Variants in MMP28 observed in about 807,000 individuals in gnomAD.
MMP28 encodes matrix metallopeptidase 28, also known as matrix metalloproteinase-28.
In MMP28, 55 loss-of-function variants were observed where a neutral mutation model predicts 60.5. That is an observed-to-expected ratio of 0.91 (90% CI 0.73 to 1.14). The LOEUF is 1.14. MMP28 is among the 50% of genes most tolerant of loss of function. The pLI is 0.00. For synonymous variants in MMP28, 318 were observed against 312.5 expected (o/e 1.02, Z -0.18); for missense variants, 686 against 738.3 (o/e 0.93, Z 0.82).
chr17:35,770,510 A>G (rs1016731224), intron 4 of MMP28, among the ~76,000 whole-genome samples, 198 bp from the exon 5 acceptor site: 1 of 152,244 alleles, frequency 6.6e-6, no homozygotes, highest in Non-Finnish European at 1.5e-5. Context: ...GCAGTGGACG[A>G]TGAGTAGGCT....
At chr17:35,762,834 T>TG (rs587665495), downstream of MMP28, among the ~76,000 whole-genome samples, 448 of 152,114 alleles carry the variant, frequency 2.9e-3, 2 homozygotes, top group Admixed American at 7.7e-3. Context: ...CCTATTAAAA[T>TG]GGGATCAGTG....
chr17:35,760,186 C>T (rs2085791942), intron 2 of MMP28, among the ~76,000 whole-genome samples: 1 of 152,204 alleles, frequency 6.6e-6, no homozygotes, highest in Non-Finnish European at 1.5e-5. Flanking sequence ...TTCATCTCAA[C>T]AGATGGAGGG....
Position 35,786,699 on chromosome 17 carries a change from C to CAAAAAAAAAAAAAAA in MMP28, c.112-7391_112-7377dup, listed in dbSNP as rs200165337. On this transcript the variant is annotated intron_variant, in intron 1 of 7. Coordinates refer to ENST00000605424, the MANE Select transcript of MMP28 (RefSeq NM_024302.5). ...GCCTCATAGTGAGATCCTGTCTCTA[C>CAAAAAAAAAAAAAAA]AAAAAAAAAAAAAAAAGATGAATGA... Among the ~76,000 whole-genome samples the CAAAAAAAAAAAAAAA allele has an allele frequency of 1.8e-3, 130 of 70,916 alleles. 8 individuals are homozygous for CAAAAAAAAAAAAAAA. The highest frequency in any genetic ancestry group is 6.9e-3 in the East Asian group (22 of 3,184). The allele number at this position is 70,916 out of a possible 152,430, so 46.5% of individuals were successfully genotyped here.
At chr17:35,789,765 A>AT (rs748679699) in intron 1 of MMP28, among the ~76,000 whole-genome samples, 4,771 of 141,328 alleles carry the variant, frequency 0.034, 248 homozygotes, top group African/African-American at 0.11. Context: ...GCAACATTTA[A>AT]TTTTTTTTTT....
chr17:35,778,941 A>G lies in MMP28; in HGVS notation c.326T>C (p.Leu109Ser), dbSNP rs908525502. The change falls in exon 3 of 8, where the codon TTG (leucine) becomes TCG (serine). Residue 109 changes from leucine (L) to serine (S), a missense_variant. Transcript: ENST00000605424. ...YAAWAERISD[L>S]FARHRTKMRR... ...CATTTTGGTCCGGTGTCTAGCAAAC[A>G]AGTCACTGATCCTCTCAGCCCAGGC... 4 of 1,613,934 alleles carry G rather than the reference A, an allele frequency of 2.5e-6. No individual in the cohort carries two copies. Among genetic ancestry groups the G allele is most frequent in the Non-Finnish European group, 2.5e-6 (3 of 1,179,900 alleles).
At chr17:35,773,615 C>T (rs570663353) in intron 3 of MMP28, among the ~76,000 whole-genome samples, 193 of 152,326 alleles carry the variant, frequency 1.3e-3, no homozygotes, top group African/African-American at 4.2e-3. Context: ...ACTCCCCTTA[C>T]CCTGGACAGT....
rs764144708 is a variant in MMP28 at position 35,795,280 on chromosome 17, C to A, written c.98G>T (p.Arg33Leu). 10 of 1,447,802 alleles carry A rather than the reference C, an allele frequency of 6.9e-6. No homozygotes were observed. The highest frequency in any genetic ancestry group is 4.2e-5 in the South Asian group (3 of 71,138). The allele number at this position is 1,447,802 out of a possible 1,614,324, so 89.7% of individuals were successfully genotyped here. ...CACACGGCGTACCTCCGCCTCCTTG[C>A]GCAGCTCCTGGCCTCCGCGCTCCGC... ...QPAERGGQELRKEAEAFLEKY... is the reference protein window; with the variant it reads ...QPAERGGQELLKEAEAFLEKY... The change falls in exon 1 of 8, where the codon CGC becomes CTC. Residue 33 changes from arginine to leucine, a missense_variant. Coordinates refer to ENST00000605424, the MANE Select transcript of MMP28 (RefSeq NM_024302.5).
downstream of MMP28, among the ~76,000 whole-genome samples, chr17:35,761,241 C>T (rs587669490): frequency 2.9e-4 from 44 of 150,670 alleles, no homozygotes; most frequent in African/African-American, 1.1e-3. Flanking sequence ...GTAGCTGGGA[C>T]CACAGGAGCA....
chr17:35,766,408 C>A lies in MMP28; in HGVS notation c.*92G>T. The A allele has an allele frequency of 6.9e-7, 1 of 1,439,978 alleles. No individual in the cohort carries two copies. The highest frequency in any genetic ancestry group is 9.1e-7 in the Non-Finnish European group (1 of 1,098,158). 89.2% of individuals were successfully genotyped at this position (1,439,978 alleles called of 1,614,324 possible). A position where few individuals can be genotyped will look rare whatever the true frequency, so the allele number is the denominator to read the frequency against. On this transcript the variant is annotated 3_prime_UTR_variant, in exon 8 of 8. Transcript: ENST00000605424. This position sits in a 1 kb window ranked among gnomAD's most constrained non-coding sequence, Gnocchi z 4.3. ...TGCTGCCCGGTCTTCTGCAGAGGGA[C>A]TCAGAGGCTTCTAAGAGGGGTTCTG...
downstream of MMP28, chr17:35,764,479 C>T (rs1555602370): frequency 2.5e-6 from 4 of 1,569,050 alleles, no homozygotes; most frequent in Non-Finnish European, 1.7e-6. Context: ...CGACGACCGC[C>T]GCGCCGCGGG....
chr17:35,778,681 A>G, intron 3 of MMP28: 1 of 1,230,960 alleles, frequency 8.1e-7, no homozygotes, highest in Non-Finnish European at 1.1e-6. Flanking sequence ...TACAATGAAA[A>G]TTCATCAATG....
rs1555603721 is a variant in MMP28 at position 35,766,958 on chromosome 17, T to A, written c.1169-64A>T. The A allele has an allele frequency of 6.9e-7, 1 of 1,450,002 alleles. No homozygotes were observed. Among genetic ancestry groups the A allele is most frequent in the East Asian group, 2.5e-5 (1 of 40,490 alleles). The allele number at this position is 1,450,002 out of a possible 1,614,324, so 89.8% of individuals were successfully genotyped here. A position where few individuals can be genotyped will look rare whatever the true frequency, so the allele number is the denominator to read the frequency against. ...GTCACCCATTGGCCCTCTACCCCAC[T>A]TCTGTCCCCCATACCTCTGCTCTCC... On this transcript the variant is annotated intron_variant, in intron 7 of 7. Coordinates refer to ENST00000605424, the MANE Select transcript of MMP28 (RefSeq NM_024302.5). The surrounding 1 kb of genome is among the most constrained non-coding windows in gnomAD (Gnocchi z 4.3).
Position 35,766,572 on chromosome 17 carries a change from G to A in MMP28, c.1491C>T (p.Thr497=), listed in dbSNP as rs575210468. Residue 497 remains threonine (T), a synonymous_variant, in exon 8 of 8, where the codon ACC becomes ACT. Transcript: ENST00000605424. The surrounding 1 kb of genome is among the most constrained non-coding windows in gnomAD (Gnocchi z 4.3). ...RLDQAKLQAT[T]SGRWATELPW... ...GCAGCTCGGTGGCCCAGCGGCCCGA[G>A]GTGGTTGCCTGCAGTTTGGCCTGGT... 6 of 1,611,902 alleles carry A rather than the reference G, an allele frequency of 3.7e-6. No individual in the cohort carries two copies. The East Asian group carries it at 1.3e-4, about 36-fold the overall frequency.
chr17:35,774,758 C>A (rs1179511268), intron 3 of MMP28, among the ~76,000 whole-genome samples: 1 of 152,138 alleles, frequency 6.6e-6, no homozygotes, highest in Non-Finnish European at 1.5e-5. Context: ...CAGTGACCAA[C>A]CCTTAACGAG....
At chr17:35,760,955 G>A (rs781962840), downstream of MMP28, 32 of 1,613,504 alleles carry the variant, frequency 2.0e-5, no homozygotes, top group African/African-American at 2.7e-5. Flanking sequence ...GATAAGCATG[G>A]TGAGTGGGGC....
rs781178488 is a variant in MMP28, at chr17:35,766,735, C to T, written c.1328G>A (p.Arg443Gln). The change falls in exon 8 of 8, where the codon CGA becomes CAA. Residue 443 changes from arginine to glutamine, a missense_variant. Physicochemically the swap from Arg to Gln is conservative, Grantham distance 43. Transcript: ENST00000605424. The surrounding 1 kb of genome is among the most constrained non-coding windows in gnomAD (Gnocchi z 4.3). ...GTAGGGCTCCACTTGCAGTCCCCCTCGGGCCAGCACGTAGTAGCGGGCACC... is the reference window on the plus strand; with the variant it reads ...GTAGGGCTCCACTTGCAGTCCCCCTTGGGCCAGCACGTAGTAGCGGGCACC... ...FKGARYYVLA[R>Q]GGLQVEPYYP... The T allele has an allele frequency of 6.3e-6, 10 of 1,591,326 alleles. No individual in the cohort carries two copies. In the Admixed American group the frequency reaches 7.1e-5, roughly 11 times the overall value.
intron 1 of MMP28, among the ~76,000 whole-genome samples, chr17:35,779,525 G>A (rs2086438615): frequency 1.3e-5 from 2 of 152,106 alleles, no homozygotes; most frequent in Admixed American, 1.3e-4. Context: ...ACTAGCTGAT[G>A]ATCTCAGGCA....
At position 35,766,443 on chromosome 17, in the gene MMP28, T is replaced by G; in HGVS notation, c.*57A>C. On this transcript the variant is annotated 3_prime_UTR_variant, in exon 8 of 8. Coordinates refer to ENST00000605424, the MANE Select transcript of MMP28 (RefSeq NM_024302.5). The surrounding 1 kb of genome is among the most constrained non-coding windows in gnomAD (Gnocchi z 4.3). ...TCTAAGAGGGGTTCTGCCCCGGGGG[T>G]GGGGAACATGATTTTGCCCTGAGAG... 1.3e-6 allele frequency: 2 copies of G among 1,485,732 alleles called. No individual in the cohort carries two copies. The highest frequency in any genetic ancestry group is 2.4e-5 in the East Asian group (1 of 40,970). 92.0% of individuals were successfully genotyped at this position (1,485,732 alleles called of 1,614,324 possible). A position where few individuals can be genotyped will look rare whatever the true frequency, so the allele number is the denominator to read the frequency against.
intron 4 of MMP28, among the ~76,000 whole-genome samples, chr17:35,771,798 G>C (rs1222696884): frequency 7.2e-6 from 1 of 138,356 alleles, no homozygotes; most frequent in Non-Finnish European, 1.5e-5. Context: ...CCTCTGGGGG[G>C]CCTCTCTCTA....
Sources: allele counts gnomAD v4.1 joint callset (sites outside exome capture counted in the v4.1 genomes callset), GRCh38; gene constraint gnomAD v4.1.1; non-coding constraint Gnocchi (gnomAD v3.1); transcripts MANE v1.5; gene names NCBI Gene and HGNC (gene_info 2026-07-23, HGNC 2026-07-21).